The following ZSCAN18 variants were observed in gnomAD, a reference collection of about 807,000 sequenced individuals.
ZSCAN18 encodes the protein zinc finger and SCAN domain containing 18.
In ZSCAN18, 16 loss-of-function variants were observed where a neutral mutation model predicts 31.1. The ratio of observed to expected loss-of-function variants is 0.51; its 90% CI spans 0.35 to 0.78. The LOEUF is 0.78. Ranked by LOEUF, ZSCAN18 falls within the 30% of genes least tolerant of loss-of-function variation. The pLI is 0.01. For synonymous variants in ZSCAN18, 375 were observed against 320.7 expected (o/e 1.17, Z -1.81); for missense variants, 731 against 697.4 (o/e 1.05, Z -0.54).
intron 1 of ZSCAN18, among the ~76,000 whole-genome samples, chr19:58,113,704 C>T (rs1293810600): frequency 1.3e-5 from 2 of 152,114 alleles, no homozygotes; most frequent in African/African-American, 4.8e-5. Context: ...AATGGCTGGA[C>T]GCAGTGGCTC....
At chr19:58,108,405 T>C in intron 1 of ZSCAN18, 1 of 985,460 alleles carries the variant, frequency 1.0e-6, no homozygotes, top group Non-Finnish European at 1.2e-6. Context: ...GCTGAAGGTC[T>C]TCCCATACCA....
intron 6 of ZSCAN18, 117 bp from the exon 7 acceptor site, chr19:58,085,496 G>A: frequency 1.1e-6 from 1 of 907,554 alleles, no homozygotes; most frequent in South Asian, 1.8e-5. Context: ...GGATCCCCGC[G>A]GGGCTCACGG....
At position 58,084,765 on chromosome 19, in the gene ZSCAN18, G is replaced by T; in HGVS notation, c.1453C>A (p.Gln485Lys). 6.4e-7 allele frequency: 1 copy of T among 1,570,144 alleles called. No individual in the cohort carries two copies. The highest frequency in any genetic ancestry group is 8.6e-7 in the Non-Finnish European group (1 of 1,166,014). Residue 485 changes from glutamine (Q) to lysine (K), a missense_variant, in exon 7 of 7, where the codon CAG (glutamine) becomes AAG (lysine). Coordinates refer to ENST00000601144, the MANE Select transcript of ZSCAN18 (RefSeq NM_001145543.2). This position sits in a 1 kb window ranked among gnomAD's most constrained non-coding sequence, Gnocchi z 4.5. Reference protein sequence around the residue: ...RGPQPSTREAQAGARAGGPPE... With the variant: ...RGPQPSTREAKAGARAGGPPE... Reference sequence around the variant, plus strand: ...GGACCGCCCGCCCTAGCCCCCGCCTGGGCTTCGCGGGTGGACGGTTGGGGG... The same window carrying T: ...GGACCGCCCGCCCTAGCCCCCGCCTTGGCTTCGCGGGTGGACGGTTGGGGG...
At chr19:58,085,804 C>A in intron 6 of ZSCAN18, 1 of 313,802 alleles carries the variant, frequency 3.2e-6, no homozygotes, top group South Asian at 6.3e-5. Flanking sequence ...AACCCCCCAG[C>A]GACAAGCCCC....
At chr19:58,115,427 G>A (rs1203611329) in intron 1 of ZSCAN18, among the ~76,000 whole-genome samples, 2 of 152,146 alleles carry the variant, frequency 1.3e-5, no homozygotes, top group Non-Finnish European at 2.9e-5. Context: ...TAAGTACAAA[G>A]ACAATAAAAA....
upstream of ZSCAN18, among the ~76,000 whole-genome samples, chr19:58,100,112 C>T (rs1226231825): frequency 5.3e-5 from 8 of 149,630 alleles, no homozygotes; most frequent in Non-Finnish European, 1.2e-4. Flanking sequence ...GTGTGCGCTA[C>T]CATACCCAGC....
chr19:58,112,120 G>A (rs1412291909), intron 1 of ZSCAN18, among the ~76,000 whole-genome samples: 2 of 151,952 alleles, frequency 1.3e-5, no homozygotes, highest in Admixed American at 6.6e-5. Context: ...CTGAAGCCTC[G>A]ACTGCCCTGG....
chr19:58,084,873 T>C lies in ZSCAN18; in HGVS notation c.1345A>G (p.Thr449Ala), dbSNP rs749878123. The C allele has an allele frequency of 6.3e-7, 1 of 1,598,996 alleles. No homozygotes were observed. Among genetic ancestry groups the C allele is most frequent in the Admixed American group, 1.7e-5 (1 of 57,998 alleles). The change falls in exon 7 of 7, where the codon ACC (threonine) becomes GCC (alanine). Residue 449 changes from threonine to alanine, a missense_variant. Physicochemically the swap from Thr to Ala is moderately conservative, Grantham distance 58. This residue lies in a region of ZSCAN18 where 597 missense variants were observed against 499.5 expected (regional missense o/e 1.20). Transcript: ENST00000601144. This position sits in a 1 kb window ranked among gnomAD's most constrained non-coding sequence, Gnocchi z 4.5. Reference protein sequence around the residue: ...KRYACQGCWKTFHFSLALAEH... With the variant: ...KRYACQGCWKAFHFSLALAEH... ...GCTAGGGCCAGGCTGAAGTGGAAGG[T>C]CTTCCAGCAGCCCTGACAGGCGTAG...
chr19:58,102,693 C>T (rs1350061844), upstream of ZSCAN18, among the ~76,000 whole-genome samples: 1 of 63,762 alleles, frequency 1.6e-5, no homozygotes, highest in Admixed American at 1.6e-4. Flanking sequence ...TAATTGTCAT[C>T]TCAGCAACAA....
At chr19:58,097,831 C>G in intron 1 of ZSCAN18, 1 of 581,078 alleles carries the variant, frequency 1.7e-6, no homozygotes, top group Non-Finnish European at 2.1e-6. Flanking sequence ...ATCTCTCCCC[C>G]ATCAGGAGCC....
intron 1 of ZSCAN18, among the ~76,000 whole-genome samples, chr19:58,110,061 T>G (rs1315609915): frequency 2.0e-5 from 3 of 152,134 alleles, no homozygotes; most frequent in Non-Finnish European, 2.9e-5. Flanking sequence ...AATTATTTTT[T>G]GTAGAGACAA....
intron 2 of ZSCAN18, among the ~76,000 whole-genome samples, chr19:58,089,286 G>A (rs555075008): frequency 2.8e-5 from 3 of 105,878 alleles, no homozygotes; most frequent in African/African-American, 1.1e-4. Context: ...CTGGGCGACA[G>A]AGCGAGACTC....
chr19:58,094,002 T>G (rs895739139), intron 1 of ZSCAN18, among the ~76,000 whole-genome samples: 1 of 151,848 alleles, frequency 6.6e-6, no homozygotes, highest in Non-Finnish European at 1.5e-5. Flanking sequence ...TGACCTCAAG[T>G]GATCCACCCG....
At chr19:58,118,156 G>T (rs1370697324) in intron 1 of ZSCAN18, 5 of 466,826 alleles carry the variant, frequency 1.1e-5, no homozygotes, top group African/African-American at 1.0e-4. Context: ...ACAAGCCAGC[G>T]CCCCTAACAA....
chr19:58,116,667 C>T (rs1911295794), intron 1 of ZSCAN18, among the ~76,000 whole-genome samples: 2 of 152,182 alleles, frequency 1.3e-5, no homozygotes, highest in African/African-American at 4.8e-5. Flanking sequence ...CAAGCTCCAT[C>T]ATCATCACCT....
intron 2 of ZSCAN18, among the ~76,000 whole-genome samples, chr19:58,089,620 G>A (rs527386037): frequency 3.9e-5 from 6 of 152,322 alleles, no homozygotes; most frequent in Admixed American, 2.0e-4. Context: ...CTGAGACTCC[G>A]TCTCAAAAAT....
intron 1 of ZSCAN18, among the ~76,000 whole-genome samples, chr19:58,114,530 A>C (rs536901159): frequency 2.0e-5 from 2 of 101,784 alleles, no homozygotes; most frequent in African/African-American, 6.1e-5. Context: ...ATATACGCAC[A>C]GATAAATATA....
upstream of ZSCAN18, among the ~76,000 whole-genome samples, chr19:58,103,216 A>G (rs951754772): frequency 6.6e-6 from 1 of 152,370 alleles, no homozygotes; most frequent in African/African-American, 2.4e-5. Flanking sequence ...CAAGATATGT[A>G]TCACAGAATA....
Position 58,088,853 on chromosome 19 carries a change from G to A in ZSCAN18, c.404-16C>T. ...AGCAGCATCCCTGTCAACAGTGGAG[G>A]GACCTGTGACCCCAAGAGGTCAGGA... is the stretch of plus-strand genomic sequence containing the variant. On this transcript the variant is annotated splice_polypyrimidine_tract_variant and intron_variant, in intron 2 of 6. Transcript: ENST00000601144. The A allele has an allele frequency of 6.2e-7, 1 of 1,604,184 alleles. No individual in the cohort carries two copies. Among genetic ancestry groups the A allele is most frequent in the Non-Finnish European group, 8.5e-7 (1 of 1,174,472 alleles).
Sources: gnomAD v4.1 joint callset for allele counts (sites outside exome capture counted in the v4.1 genomes callset) on GRCh38, gnomAD v4.1.1 for gene constraint, gnomAD v4.1.1 regional missense constraint, Gnocchi (gnomAD v3.1) non-coding constraint, MANE v1.5 for transcripts, NCBI Gene and HGNC (gene_info 2026-07-23, HGNC 2026-07-21) for gene names.